The following THSD7B variants were observed in gnomAD, a reference collection of about 807,000 sequenced individuals.
THSD7B encodes the protein thrombospondin type-1 domain-containing protein 7B.
THSD7B carries 138 observed loss-of-function variants against 213.6 expected under a neutral mutation model. That is an observed-to-expected ratio of 0.65 (90% CI 0.56 to 0.74). THSD7B has a LOEUF of 0.74. Ranked by LOEUF, THSD7B falls within the 30% of genes least tolerant of loss-of-function variation. The pLI, the probability that THSD7B is intolerant of heterozygous loss-of-function variation, is 0.00. For synonymous variants in THSD7B, 742 were observed against 687.0 expected (o/e 1.08, Z -1.25); for missense variants, 1,931 against 1,991.5 (o/e 0.97, Z 0.58).
intron 2 of THSD7B, among the ~76,000 whole-genome samples, chr2:136,980,534 A>T (rs530208649): frequency 1.3e-5 from 2 of 152,180 alleles, no homozygotes; most frequent in Non-Finnish European, 2.9e-5. Context: ...ACGATCTGTC[A>T]CAGCTGCTGT....
chr2:137,641,945 G>A (rs1250973625), intron 20 of THSD7B, among the ~76,000 whole-genome samples: 2 of 152,080 alleles, frequency 1.3e-5, no homozygotes, highest in African/African-American at 4.8e-5. Context: ...CCTTCCTAGG[G>A]AATTTTTTAG....
chr2:136,950,258 AAAAAAT>A (rs145650223), intron 2 of THSD7B, among the ~76,000 whole-genome samples: 11,075 of 151,890 alleles, frequency 0.073, 648 homozygotes, highest in African/African-American at 0.16. Flanking sequence ...TCTCAGAAGA[AAAAAAT>A]AAAAATAAAA....
At chr2:137,465,324 G>A (rs2105085326) in intron 15 of THSD7B, among the ~76,000 whole-genome samples, 1 of 151,950 alleles carries the variant, frequency 6.6e-6, no homozygotes, top group South Asian at 2.1e-4. Flanking sequence ...ATAAAAGACA[G>A]TTCAAGTTGG....
chr2:137,633,092 A>C (rs992333397), intron 20 of THSD7B, among the ~76,000 whole-genome samples: 1 of 152,186 alleles, frequency 6.6e-6, no homozygotes, highest in Non-Finnish European at 1.5e-5. Context: ...CCACTCTGCT[A>C]TACTGGAAAA....
At chr2:137,259,473 A>G (rs1428612286) in intron 10 of THSD7B, among the ~76,000 whole-genome samples, 1 of 152,326 alleles carries the variant, frequency 6.6e-6, no homozygotes, top group East Asian at 1.9e-4. Flanking sequence ...TGTTGGCTGC[A>G]TAAATATCTT....
intron 7 of THSD7B, among the ~76,000 whole-genome samples, chr2:137,226,452 T>C: frequency 6.6e-6 from 1 of 151,804 alleles, no homozygotes; most frequent in South Asian, 2.1e-4. Flanking sequence ...CTATGCTGTT[T>C]GTTTATTTTT....
intron 1 of THSD7B, among the ~76,000 whole-genome samples, chr2:136,801,278 G>A (rs1051090230): frequency 9.9e-5 from 15 of 152,148 alleles, no homozygotes; most frequent in African/African-American, 3.6e-4. Flanking sequence ...TGAGGAAAAC[G>A]GAGGACCACC....
intron 2 of THSD7B, among the ~76,000 whole-genome samples, chr2:136,886,868 G>A (rs950117707): frequency 1.4e-4 from 22 of 152,142 alleles, no homozygotes; most frequent in African/African-American, 5.1e-4. Flanking sequence ...TCTTGTGGAG[G>A]TGTCGACTAG....
chr2:136,883,758 T>A (rs1683666349), intron 2 of THSD7B, among the ~76,000 whole-genome samples: 1 of 152,188 alleles, frequency 6.6e-6, no homozygotes, highest in Admixed American at 6.5e-5. Context: ...AAACAAACTC[T>A]ACAGTGGATG....
intron 14 of THSD7B, among the ~76,000 whole-genome samples, chr2:137,442,458 C>T (rs549790369): frequency 1.3e-5 from 2 of 152,090 alleles, no homozygotes; most frequent in East Asian, 3.9e-4. Flanking sequence ...TTCAAAGTCT[C>T]GGTGGTTGAA....
chr2:137,031,111 A>G (rs977346502), intron 2 of THSD7B, among the ~76,000 whole-genome samples: 2 of 152,200 alleles, frequency 1.3e-5, no homozygotes. Flanking sequence ...TGGGAGGCCA[A>G]GGTGGGTGGA....
chr2:137,173,766 T>C, intron 7 of THSD7B, among the ~76,000 whole-genome samples: 1 of 152,196 alleles, frequency 6.6e-6, no homozygotes, highest in East Asian at 1.9e-4. Context: ...CTTTTTGTGG[T>C]TCAGCTTCAG....
chr2:137,241,401 A>G (rs1681897880), intron 9 of THSD7B, among the ~76,000 whole-genome samples: 1 of 151,900 alleles, frequency 6.6e-6, no homozygotes, highest in Non-Finnish European at 1.5e-5. Flanking sequence ...ACAAACAAAA[A>G]CTCTCTTGCT....
intron 10 of THSD7B, among the ~76,000 whole-genome samples, chr2:137,249,408 CTCAGAGCTCAGAACTCT>C (rs1232328500): frequency 6.6e-6 from 1 of 152,064 alleles, no homozygotes; most frequent in Non-Finnish European, 1.5e-5. Context: ...GGAGTTGCTG[CTCAGAGCTCAGAACTCT>C]TAGTCTGGTC....
intron 2 of THSD7B, among the ~76,000 whole-genome samples, chr2:137,011,010 G>GT (rs1357328677): frequency 1.3e-5 from 2 of 152,052 alleles, no homozygotes; most frequent in Admixed American, 6.6e-5. Flanking sequence ...TATCATCAAG[G>GT]TTGATGTTAT....
chr2:137,419,671 A>G lies in THSD7B; in HGVS notation c.2959+7799A>G, dbSNP rs1051500055. Among the ~76,000 whole-genome samples, 9 of 151,864 alleles carry G rather than the reference A, an allele frequency of 5.9e-5. No homozygotes were observed. The East Asian group carries it at 1.8e-3, about 30-fold the overall frequency. ...CAATTAGGAAAGGGTAGGTATATGT[A>G]AAATAGGTGAAGGGTGGGGATCGAT... On this transcript the variant is annotated intron_variant, in intron 14 of 27. Coordinates refer to ENST00000409968, the MANE Select transcript of THSD7B (RefSeq NM_001316349.2).
intron 15 of THSD7B, among the ~76,000 whole-genome samples, chr2:137,490,105 G>C (rs184423978): frequency 6.6e-6 from 1 of 152,316 alleles, no homozygotes; most frequent in African/African-American, 2.4e-5. Flanking sequence ...GATATAAACT[G>C]TATTAAAGTG....
intron 2 of THSD7B, among the ~76,000 whole-genome samples, chr2:137,018,388 A>T (rs893275817): frequency 6.6e-6 from 1 of 152,180 alleles, no homozygotes; most frequent in African/African-American, 2.4e-5. Context: ...AGCAGGTGCA[A>T]CCAAAGAAAA....
intron 14 of THSD7B, among the ~76,000 whole-genome samples, chr2:137,436,952 T>C (rs1404220893): frequency 6.6e-6 from 1 of 152,184 alleles, no homozygotes; most frequent in Non-Finnish European, 1.5e-5. Flanking sequence ...TTGTGTATTG[T>C]GTCACTTAAT....
Sources: gnomAD v4.1 joint callset for allele counts (sites outside exome capture counted in the v4.1 genomes callset) on GRCh38, gnomAD v4.1.1 for gene constraint, MANE v1.5 for transcripts, NCBI Gene and HGNC (gene_info 2026-07-23, HGNC 2026-07-21) for gene names.